Variants in ANKRD11 observed in about 807,000 individuals in gnomAD.
ANKRD11 encodes ankyrin repeat domain-containing protein 11.
A neutral mutation model predicts 195.7 loss-of-function variants in ANKRD11; 17 were observed. The observed-to-expected ratio is 0.09, with a 90% CI of 0.06 to 0.13. The LOEUF is 0.13. Among genes scored for constraint, ANKRD11 ranks in the 10% least tolerant of loss-of-function variants. The pLI, the probability that ANKRD11 is intolerant of heterozygous loss-of-function variation, is 1.00. For synonymous variants in ANKRD11, 1,953 were observed against 1,528.1 expected, an observed-to-expected ratio of 1.28 and a Z score of -6.49; for missense variants, 3,735 against 3,566.1, an observed-to-expected ratio of 1.05 and a Z score of -1.21.
chr16:89,408,594 G>A (rs536204546), intron 2 of ANKRD11, among the ~76,000 whole-genome samples: 4 of 152,300 alleles, frequency 2.6e-5, no homozygotes, highest in South Asian at 4.1e-4. Flanking sequence ...CACACACTCA[G>A]ACCCTCAGGA....
chr16:89,281,818 T>A lies in ANKRD11; in HGVS notation c.4724A>T (p.Asp1575Val). ...DARPREKLLG[D>V]GDLMMTSFER... ...GAAGCTGGTCATCATCAGGTCGCCGTCCCCCAGGAGCTTCTCCCTGGGCCT... is the reference window on the plus strand; with the variant it reads ...GAAGCTGGTCATCATCAGGTCGCCGACCCCCAGGAGCTTCTCCCTGGGCCT... Residue 1575 changes from aspartate (D) to valine (V), a missense_variant, in exon 9 of 13, where the codon GAC (aspartate) becomes GTC (valine). Coordinates refer to ENST00000301030, the MANE Select transcript of ANKRD11 (RefSeq NM_013275.6). The surrounding 1 kb of genome is among the most constrained non-coding windows in gnomAD (Gnocchi z 5.5). 1.2e-6 allele frequency: 2 copies of A among 1,613,890 alleles called. No individual in the cohort carries two copies. Among genetic ancestry groups the A allele is most frequent in the Non-Finnish European group, 1.7e-6 (2 of 1,179,992 alleles).
chr16:89,373,931 A>G (rs903857784), intron 2 of ANKRD11, among the ~76,000 whole-genome samples: 6 of 152,256 alleles, frequency 3.9e-5, no homozygotes, highest in African/African-American at 9.6e-5. Flanking sequence ...CAGGGTCATC[A>G]GGAGTGACCA....
At chr16:89,337,184 TCAAAAAA>T (rs893878715) in intron 2 of ANKRD11, among the ~76,000 whole-genome samples, 17 of 151,852 alleles carry the variant, frequency 1.1e-4, no homozygotes, top group South Asian at 6.2e-4. Context: ...AGACCCTGTC[TCAAAAAA>T]CAAAAAACAA....
At chr16:89,269,492 T>C (rs1262945461) in intron 12 of ANKRD11, among the ~76,000 whole-genome samples, 2 of 152,202 alleles carry the variant, frequency 1.3e-5, no homozygotes, top group Non-Finnish European at 2.9e-5. Flanking sequence ...ACATCACCAG[T>C]GTAAATTGTT....
intron 1 of ANKRD11, among the ~76,000 whole-genome samples, chr16:89,482,680 C>G (rs1347260620): frequency 6.6e-6 from 1 of 152,204 alleles, no homozygotes; most frequent in Non-Finnish European, 1.5e-5. Context: ...AATTCCAGCA[C>G]TGCTGGGGGG....
intron 1 of ANKRD11, among the ~76,000 whole-genome samples, chr16:89,480,365 T>A (rs1027834187): frequency 6.7e-6 from 1 of 149,982 alleles, no homozygotes; most frequent in Admixed American, 6.7e-5. Flanking sequence ...TAGTCCCAGC[T>A]ACTCGGGAGG....
At chr16:89,273,442 C>A (rs981853416) in intron 11 of ANKRD11, among the ~76,000 whole-genome samples, 2 of 152,180 alleles carry the variant, frequency 1.3e-5, no homozygotes, top group African/African-American at 4.8e-5. Flanking sequence ...TGGCTCACGC[C>A]TGTAACTCCC....
intron 2 of ANKRD11, among the ~76,000 whole-genome samples, chr16:89,374,529 G>A (rs543275645): frequency 6.6e-6 from 1 of 152,262 alleles, no homozygotes; most frequent in East Asian, 1.9e-4. Flanking sequence ...AGAGCCGATG[G>A]CCTCTGCCGG....
At chr16:89,288,146 C>T (rs2034782683) in intron 7 of ANKRD11, 1 of 602,370 alleles carries the variant, frequency 1.7e-6, no homozygotes, top group Non-Finnish European at 3.0e-6. Flanking sequence ...GGTGTTACCT[C>T]ATTCCAGACG....
At chr16:89,480,375 G>A (rs1379671166) in intron 1 of ANKRD11, among the ~76,000 whole-genome samples, 1 of 151,548 alleles carries the variant, frequency 6.6e-6, no homozygotes, top group East Asian at 2.0e-4. Context: ...TACTCGGGAG[G>A]CTGAGGCAGG....
At chr16:89,461,191 C>G (rs1193602171) in intron 1 of ANKRD11, among the ~76,000 whole-genome samples, 4 of 139,156 alleles carry the variant, frequency 2.9e-5, no homozygotes, top group Non-Finnish European at 6.3e-5. Context: ...CCCCCCCCCC[C>G]CCCTTATAGG....
At position 89,280,765 on chromosome 16, in the gene ANKRD11, G is replaced by C. The variant is rs778991139; in HGVS notation, c.5777C>G (p.Pro1926Arg). 6.2e-7 allele frequency: 1 copy of C among 1,612,392 alleles called. No individual in the cohort carries two copies. Among genetic ancestry groups the C allele is most frequent in the Non-Finnish European group, 8.5e-7 (1 of 1,179,126 alleles). Reference sequence around the variant, plus strand: ...CAGCGGCTCCAGGTAGCTGGGCTCCGGGGGGATGATGGCGGCCGTCGCCTG... The same window carrying C: ...CAGCGGCTCCAGGTAGCTGGGCTCCCGGGGGATGATGGCGGCCGTCGCCTG... Reference protein sequence around the residue: ...DQQATAAIIPPEPSYLEPLDE... With the variant: ...DQQATAAIIPREPSYLEPLDE... The change falls in exon 9 of 13, where the codon CCG becomes CGG. Residue 1926 changes from proline to arginine, a missense_variant. Coordinates refer to ENST00000301030, the MANE Select transcript of ANKRD11 (RefSeq NM_013275.6).
chr16:89,324,847 A>G (rs893452004), intron 2 of ANKRD11: 5 of 285,928 alleles, frequency 1.7e-5, no homozygotes, highest in African/African-American at 2.2e-5. Flanking sequence ...CAGCTTGCCA[A>G]CAGCCTATTG....
Position 89,283,615 on chromosome 16 carries a change from A to T in ANKRD11, c.2927T>A (p.Leu976Gln). 6.2e-7 allele frequency: 1 copy of T among 1,609,930 alleles called. No individual in the cohort carries two copies. Reference sequence around the variant, plus strand: ...GCCACTCTCGCAGCCACACTCCTTCAGCTCCTCCCGGTGCGCCTCCTCGGG... The same window carrying T: ...GCCACTCTCGCAGCCACACTCCTTCTGCTCCTCCCGGTGCGCCTCCTCGGG... Reference protein sequence around the residue: ...AKPEEAHREELKECGCESGFK... With the variant: ...AKPEEAHREEQKECGCESGFK... Residue 976 changes from leucine to glutamine, a missense_variant, in exon 9 of 13, where the codon CTG becomes CAG. Transcript: ENST00000301030. The surrounding 1 kb of genome is among the most constrained non-coding windows in gnomAD (Gnocchi z 4.3).
chr16:89,403,445 TTTCTC>T (rs2041784743), intron 2 of ANKRD11, among the ~76,000 whole-genome samples: 1 of 151,820 alleles, frequency 6.6e-6, no homozygotes, highest in Admixed American at 6.6e-5. Context: ...CCCGAGGAAG[TTTCTC>T]AGTAAGCGAG....
At chr16:89,485,323 TA>T (rs397855823) in intron 1 of ANKRD11, among the ~76,000 whole-genome samples, 19,756 of 128,042 alleles carry the variant, frequency 0.15, 1,436 homozygotes, top group Middle Eastern at 0.19. Context: ...ATCTCTACTT[TA>T]AAAAAAAAAA....
At chr16:89,402,409 G>A (rs893282101) in intron 2 of ANKRD11, among the ~76,000 whole-genome samples, 1 of 152,066 alleles carries the variant, frequency 6.6e-6, no homozygotes, top group African/African-American at 2.4e-5. Context: ...TTAAATTTAG[G>A]TAGTAGCTCA....
intron 6 of ANKRD11, among the ~76,000 whole-genome samples, chr16:89,290,293 CGGGGGAGGCTCAGGGCTCCAATG>C (rs1401943112): frequency 1.3e-4 from 12 of 92,120 alleles, no homozygotes; most frequent in Middle Eastern, 5.4e-3. Flanking sequence ...GGGCTCCAGC[CGGGGGAGGCTCAGGGCTCCAATG>C]GGGGGAGGCT....
In ANKRD11 at chr16:89,291,262, T is replaced by C. The variant is rs999304562; in HGVS notation, c.227-79A>G. The C allele has an allele frequency of 3.9e-6, 6 of 1,556,870 alleles. No individual in the cohort carries two copies. In the African/African-American group the frequency reaches 8.1e-5, roughly 21 times the overall value. On this transcript the variant is annotated intron_variant, in intron 4 of 12. Coordinates refer to ENST00000301030, the MANE Select transcript of ANKRD11 (RefSeq NM_013275.6). This position sits in a 1 kb window ranked among gnomAD's most constrained non-coding sequence, Gnocchi z 5.3. Reference sequence around the variant, plus strand: ...CCAAAGCTAGGTCCTTACCTAATGTTACGGAGCCCCCTGCGTCCACCTGAC... The same window carrying C: ...CCAAAGCTAGGTCCTTACCTAATGTCACGGAGCCCCCTGCGTCCACCTGAC...
Sources: gnomAD v4.1 joint callset for allele counts (sites outside exome capture counted in the v4.1 genomes callset) on GRCh38, gnomAD v4.1.1 for gene constraint, Gnocchi (gnomAD v3.1) non-coding constraint, MANE v1.5 for transcripts, NCBI Gene and HGNC (gene_info 2026-07-23, HGNC 2026-07-21) for gene names.